Variants in TMC5 observed in about 807,000 individuals in gnomAD.
TMC5 encodes transmembrane channel-like protein 5.
A neutral mutation model predicts 110.5 loss-of-function variants in TMC5; 86 were observed. The ratio of observed to expected loss-of-function variants is 0.78; its 90% confidence interval spans 0.65 to 0.93. The LOEUF is 0.93. Among genes scored for constraint, TMC5 ranks in the 40% least tolerant of loss-of-function variants. The pLI, the probability that TMC5 is intolerant of heterozygous loss-of-function variation, is 0.00. For missense variants in TMC5, 1,144 were observed against 1,222.8 expected (o/e 0.94, Z 0.96); for synonymous variants, 455 against 439.5 (o/e 1.04, Z -0.44).
intron 1 of TMC5, among the ~76,000 whole-genome samples, chr16:19,423,203 G>A (rs1040003517): frequency 6.6e-6 from 1 of 151,994 alleles, no homozygotes; most frequent in Non-Finnish European, 1.5e-5. Context: ...CTCAACTTTT[G>A]TATGACTGAC....
intron 5 of TMC5, among the ~76,000 whole-genome samples, chr16:19,453,262 T>C (rs1422515445): frequency 6.6e-6 from 1 of 151,952 alleles, no homozygotes; most frequent in African/African-American, 2.4e-5. Flanking sequence ...AAGAACAGCC[T>C]GAGCAACACA....
intron 5 of TMC5, chr16:19,456,537 G>C: frequency 7.1e-7 from 1 of 1,414,150 alleles, no homozygotes; most frequent in Non-Finnish European, 9.2e-7. Flanking sequence ...TTTGTGTAGG[G>C]GTGGCTTTGG....
rs1433960927 is a variant in TMC5 at position 19,440,280 on chromosome 16, C to T, written c.242C>T (p.Pro81Leu). The T allele has an allele frequency of 2.5e-6, 4 of 1,613,986 alleles. No homozygotes were observed. The highest frequency in any genetic ancestry group is 2.7e-5 in the African/African-American group (2 of 74,878). ...EPNYPRSLSN[P>L]DYSGTRSNAY... The stretch of plus-strand genomic sequence containing the variant: ...AATTATCCTAGATCTCTGAGTAATC[C>T]AGACTATTCTGGCACCAGAAGCAAT... The change falls in exon 3 of 22, where the codon CCA becomes CTA. Residue 81 changes from proline to leucine, a missense_variant. Physicochemically the swap from Pro to Leu is moderately conservative, Grantham distance 98. Transcript: ENST00000542583.
chr16:19,460,954 G>A (rs964179993), intron 6 of TMC5, among the ~76,000 whole-genome samples: 2 of 152,058 alleles, frequency 1.3e-5, no homozygotes, highest in Admixed American at 6.6e-5. Context: ...TCAGGAGTTC[G>A]AGACCAGCAT....
In TMC5 at chr16:19,440,774, G is replaced by A; in HGVS notation, c.736G>A (p.Ala246Thr). The A allele has an allele frequency of 1.9e-6, 3 of 1,614,040 alleles. No homozygotes were observed. The highest frequency in any genetic ancestry group is 2.2e-5 in the East Asian group (1 of 44,888). ...STWREPDYSD[A>T]ENGHDYGSSE... ...TTGGAGAGAACCTGATTATTCAGAT[G>A]CTGAGAATGGTCATGATTATGGCTC... is the stretch of plus-strand genomic sequence containing the variant. The change falls in exon 3 of 22, where the codon GCT becomes ACT. Residue 246 changes from alanine to threonine, a missense_variant. Physicochemically the swap from Ala to Thr is moderately conservative, Grantham distance 58 (BLOSUM62 0). Transcript: ENST00000542583.
chr16:19,450,930 T>G (rs1339464186), intron 5 of TMC5, among the ~76,000 whole-genome samples: 1 of 152,134 alleles, frequency 6.6e-6, no homozygotes, highest in African/African-American at 2.4e-5. Context: ...AGGATCACTG[T>G]GTGTGGTGAT....
chr16:19,421,719 G>A (rs972588977), intron 1 of TMC5, among the ~76,000 whole-genome samples: 3 of 152,206 alleles, frequency 2.0e-5, no homozygotes, highest in Non-Finnish European at 4.4e-5. Flanking sequence ...CAAGCTTGAT[G>A]TCATACTTAC....
At chr16:19,471,917 C>G (rs184609212) in intron 10 of TMC5, among the ~76,000 whole-genome samples, 171 bp from the exon 11 acceptor site, 163 of 152,238 alleles carry the variant, frequency 1.1e-3, no homozygotes, top group African/African-American at 3.4e-3. Context: ...TGCACCACCA[C>G]GCCCGGCTAA....
chr16:19,477,018 G>A (rs556419236), intron 12 of TMC5: 8 of 185,164 alleles, frequency 4.3e-5, no homozygotes, highest in East Asian at 1.7e-4. Flanking sequence ...AGGCCGAGGC[G>A]GGTGGATCAC....
chr16:19,417,263 A>G (rs1966883921), upstream of TMC5, among the ~76,000 whole-genome samples: 1 of 151,630 alleles, frequency 6.6e-6, no homozygotes, highest in African/African-American at 2.4e-5. Context: ...TTCAAAAAAT[A>G]CAAAAATTAG....
intron 8 of TMC5, among the ~76,000 whole-genome samples, chr16:19,465,216 G>A (rs367950018): frequency 8.0e-5 from 12 of 149,876 alleles, no homozygotes; most frequent in East Asian, 2.0e-4. Context: ...TTCTGTGTCC[G>A]CCCCCGCCTT....
chr16:19,492,943 A>ATATATATATATATATGTAT (rs61334845), intron 19 of TMC5, among the ~76,000 whole-genome samples: 1 of 92,078 alleles, frequency 1.1e-5, no homozygotes, highest in Non-Finnish European at 2.4e-5. Flanking sequence ...TCTCTCTATA[A>ATATATATATATATATGTAT]GATAAATACT....
At chr16:19,432,281 A>G (rs1380188982) in intron 2 of TMC5, among the ~76,000 whole-genome samples, 1 of 152,224 alleles carries the variant, frequency 6.6e-6, no homozygotes, top group Non-Finnish European at 1.5e-5. Flanking sequence ...CTTAGAAGAC[A>G]TGTCATTGCT....
chr16:19,436,059 C>G (rs1033225833), intron 2 of TMC5, among the ~76,000 whole-genome samples: 5 of 151,920 alleles, frequency 3.3e-5, no homozygotes, highest in African/African-American at 1.2e-4. Flanking sequence ...GTCAGGAGTT[C>G]GAGACCAGTC....
chr16:19,431,551 A>G (rs1017646835), intron 2 of TMC5, among the ~76,000 whole-genome samples: 1 of 151,742 alleles, frequency 6.6e-6, no homozygotes, highest in Non-Finnish European at 1.5e-5. Context: ...TCAGAAAAAA[A>G]AAAAAAAAGA....
chr16:19,439,410 T>G (rs1022555622), intron 2 of TMC5, among the ~76,000 whole-genome samples: 4 of 152,214 alleles, frequency 2.6e-5, no homozygotes, highest in African/African-American at 9.6e-5. Flanking sequence ...CTTGTTTCTT[T>G]CAATCCTTTG....
chr16:19,469,609 C>A, intron 9 of TMC5, 72 bp from the exon 10 acceptor site: 2 of 1,580,258 alleles, frequency 1.3e-6, no homozygotes, highest in South Asian at 2.2e-5. Flanking sequence ...TAGGGCTGCC[C>A]TTTGTTGAAG....
At chr16:19,434,448 T>TATATAATATG (rs1967293327) in intron 2 of TMC5, among the ~76,000 whole-genome samples, 1 of 108,174 alleles carries the variant, frequency 9.2e-6, no homozygotes, top group Non-Finnish European at 1.8e-5. Context: ...TATATATCTA[T>TATATAATATG]TATATATCTA....
Position 19,463,965 on chromosome 16 carries a change from T to C in TMC5, c.1426T>C (p.Phe476Leu). 1.2e-6 allele frequency: 2 copies of C among 1,614,148 alleles called. No homozygotes were observed. Among genetic ancestry groups the C allele is most frequent in the Non-Finnish European group, 8.5e-7 (1 of 1,180,032 alleles). Residue 476 changes from phenylalanine (F) to leucine (L), a missense_variant, in exon 8 of 22, where the codon TTT becomes CTT. Physicochemically the swap from Phe to Leu is conservative, Grantham distance 22. Transcript: ENST00000542583. ...CTTCAGCTTCATCATAATCCCTCAGTTTACCGTGGCCAAAAAGAACACCCT... is the reference window on the plus strand; with the variant it reads ...CTTCAGCTTCATCATAATCCCTCAGCTTACCGTGGCCAAAAAGAACACCCT... Reference protein sequence around the residue: ...LNFSFIIIPQFTVAKKNTLQF... With the variant: ...LNFSFIIIPQLTVAKKNTLQF...
Sources: allele counts gnomAD v4.1 joint callset (sites outside exome capture counted in the v4.1 genomes callset), GRCh38; gene constraint gnomAD v4.1.1; transcripts MANE v1.5; gene names NCBI Gene and HGNC (gene_info 2026-07-23, HGNC 2026-07-21).